The following KLHL1 variants were observed in gnomAD, a reference collection of about 807,000 sequenced individuals.
The protein encoded by KLHL1 is kelch-like protein 1.
Under a neutral mutation model 77.7 loss-of-function variants are expected in KLHL1, and 47 were observed. The ratio of observed to expected loss-of-function variants is 0.60; its 90% CI spans 0.48 to 0.77. KLHL1 has a LOEUF of 0.77. Among genes scored for constraint, KLHL1 ranks in the 30% least tolerant of loss-of-function variants. The pLI, the probability that KLHL1 is intolerant of heterozygous loss-of-function variation, is 0.00. For missense variants in KLHL1, 925 were observed against 910.8 expected, an observed-to-expected ratio of 1.02 and a Z score of -0.20; for synonymous variants, 360 against 325.2, an observed-to-expected ratio of 1.11 and a Z score of -1.15.
chr13:70,002,358 T>C (rs1342881889), intron 1 of KLHL1, among the ~76,000 whole-genome samples: 1 of 151,294 alleles, frequency 6.6e-6, no homozygotes, highest in African/African-American at 2.4e-5. Context: ...ATTAGGAAAA[T>C]AAAATCAATT....
intron 6 of KLHL1, among the ~76,000 whole-genome samples, chr13:69,823,816 T>G (rs1456231564): frequency 3.9e-5 from 6 of 151,966 alleles, no homozygotes; most frequent in Non-Finnish European, 7.4e-5. Context: ...CATTGAAATT[T>G]TTTCTCTCTC....
intron 3 of KLHL1, among the ~76,000 whole-genome samples, chr13:69,949,832 A>AGTT (rs1438735900): frequency 1.3e-3 from 202 of 151,898 alleles, no homozygotes; most frequent in African/African-American, 4.7e-3. Context: ...AACAGTTAAC[A>AGTT]ATGACATTTA....
intron 5 of KLHL1, among the ~76,000 whole-genome samples, chr13:69,875,393 A>G (rs1014662841): frequency 3.9e-5 from 6 of 152,154 alleles, no homozygotes; most frequent in African/African-American, 1.4e-4. Context: ...GATACAATTG[A>G]TAATGTAAGA....
intron 5 of KLHL1, among the ~76,000 whole-genome samples, chr13:69,861,785 TAAAA>T (rs34408474): frequency 2.4e-4 from 21 of 86,016 alleles, no homozygotes; most frequent in African/African-American, 9.8e-4. Flanking sequence ...CCGTCTCTAC[TAAAA>T]AAAAAAAAAA....
At chr13:69,986,705 G>T (rs1409508105) in intron 1 of KLHL1, among the ~76,000 whole-genome samples, 1 of 151,916 alleles carries the variant, frequency 6.6e-6, no homozygotes, top group Admixed American at 6.6e-5. Context: ...TTCAGAAAAA[G>T]ATTTTTCCTA....
intron 9 of KLHL1, among the ~76,000 whole-genome samples, chr13:69,708,401 C>T (rs78878064): frequency 0.012 from 1,892 of 151,872 alleles, 27 homozygotes; most frequent in Admixed American, 0.019. Context: ...TGCCTCAAGA[C>T]GTAAGTTTTG....
chr13:69,967,596 T>C (rs9317854), intron 2 of KLHL1, among the ~76,000 whole-genome samples: 86,407 of 152,098 alleles, frequency 0.57, 25,005 homozygotes, highest in Non-Finnish European at 0.62. Flanking sequence ...TTTAGAATAT[T>C]ACACAACCTG....
chr13:69,975,648 C>A lies in KLHL1; in HGVS notation c.652G>T (p.Val218Phe). Residue 218 changes from valine (V) to phenylalanine (F), a missense_variant, in exon 2 of 11, where the codon GTT (valine) becomes TTT (phenylalanine). Physicochemically the swap from Val to Phe is conservative, Grantham distance 50 (BLOSUM62 -1). Transcript: ENST00000377844. ...QQQLCDVILIVGNRKIPAHRL... is the reference protein window; with the variant it reads ...QQQLCDVILIFGNRKIPAHRL... ...TGTGCAGGTATCTTTCGGTTCCCAA[C>A]AATCAGGATAACATCACAAAGTTGC... 1.2e-6 allele frequency: 2 copies of A among 1,613,298 alleles called. No individual in the cohort carries two copies. The highest frequency in any genetic ancestry group is 1.7e-6 in the Non-Finnish European group (2 of 1,179,624).
intron 5 of KLHL1, among the ~76,000 whole-genome samples, chr13:69,863,348 G>T (rs931723607): frequency 1.2e-5 from 1 of 85,394 alleles, no homozygotes; most frequent in African/African-American, 5.8e-5. Flanking sequence ...AGAATAGAAA[G>T]CTCTAAATAC....
At chr13:69,980,119 C>A (rs1884665393) in intron 1 of KLHL1, among the ~76,000 whole-genome samples, 1 of 152,180 alleles carries the variant, frequency 6.6e-6, no homozygotes, top group African/African-American at 2.4e-5. Context: ...CAGTTCAGGA[C>A]TCAATATTCT....
At chr13:70,019,687 C>G (rs2439612) in intron 1 of KLHL1, among the ~76,000 whole-genome samples, 82,785 of 151,904 alleles carry the variant, frequency 0.54, 22,808 homozygotes, top group Non-Finnish European at 0.58. Flanking sequence ...CAAAGTTACA[C>G]AGTTTATAAA....
intron 1 of KLHL1, among the ~76,000 whole-genome samples, chr13:70,090,788 G>A (rs1016970339): frequency 5.3e-5 from 8 of 152,050 alleles, no homozygotes; most frequent in African/African-American, 1.9e-4. Flanking sequence ...GGAATATCAA[G>A]GTTAAGGTAG....
chr13:69,858,681 A>AT (rs1202832206), intron 5 of KLHL1, among the ~76,000 whole-genome samples: 16 of 151,994 alleles, frequency 1.1e-4, no homozygotes, highest in Admixed American at 1.1e-3. Context: ...AATAATGAAA[A>AT]TTTTTCTATT....
chr13:69,744,664 C>T (rs1042959820), intron 7 of KLHL1, among the ~76,000 whole-genome samples: 2 of 151,634 alleles, frequency 1.3e-5, no homozygotes, highest in African/African-American at 2.4e-5. Flanking sequence ...GTACACCCCC[C>T]CCAAAAGCTA....
chr13:69,895,023 G>T, intron 4 of KLHL1: 2 of 508,562 alleles, frequency 3.9e-6, no homozygotes, highest in South Asian at 1.4e-5. Context: ...TGTCATCAAT[G>T]ATCTCTTCCA....
At chr13:69,958,951 T>C (rs1417024976) in intron 3 of KLHL1, among the ~76,000 whole-genome samples, 3 of 152,082 alleles carry the variant, frequency 2.0e-5, no homozygotes, top group Non-Finnish European at 4.4e-5. Context: ...TCTATTGTTA[T>C]AATTTGTTAC....
intron 2 of KLHL1, among the ~76,000 whole-genome samples, chr13:69,963,422 T>C (rs1476471081): frequency 6.6e-6 from 1 of 152,190 alleles, no homozygotes; most frequent in African/African-American, 2.4e-5. Flanking sequence ...TTTAAAGTGG[T>C]TACTCTACGG....
chr13:70,016,831 T>C (rs1053969459), intron 1 of KLHL1, among the ~76,000 whole-genome samples: 2 of 152,190 alleles, frequency 1.3e-5, no homozygotes, highest in Non-Finnish European at 2.9e-5. Context: ...TGAGAACTTA[T>C]GGTGGTTTTT....
intron 1 of KLHL1, among the ~76,000 whole-genome samples, chr13:70,053,394 G>A (rs1456677806): frequency 6.6e-6 from 1 of 152,006 alleles, no homozygotes; most frequent in African/African-American, 2.4e-5. Context: ...CAATGCAAGA[G>A]ACGGACAGCT....
Sources: gnomAD v4.1 joint callset for allele counts (sites outside exome capture counted in the v4.1 genomes callset) on GRCh38, gnomAD v4.1.1 for gene constraint, MANE v1.5 for transcripts, NCBI Gene and HGNC (gene_info 2026-07-23, HGNC 2026-07-21) for gene names.